FSD1L: variants seen among roughly 807,000 people sequenced by gnomAD.
The protein encoded by FSD1L is FSD1-like protein.
FSD1L carries 45 observed loss-of-function variants against 71.6 expected under a neutral mutation model. The observed-to-expected ratio is 0.63, with a 90% CI of 0.49 to 0.81. FSD1L has a LOEUF of 0.81. FSD1L is among the 30% of genes least tolerant of loss of function. The pLI is 0.00. For missense variants in FSD1L, 561 were observed against 618.1 expected, an observed-to-expected ratio of 0.91 and a Z score of 0.98; for synonymous variants, 197 against 207.2, an observed-to-expected ratio of 0.95 and a Z score of 0.42.
At chr9:105,495,613 G>A (rs1050873953) in intron 7 of FSD1L, among the ~76,000 whole-genome samples, 2 of 152,252 alleles carry the variant, frequency 1.3e-5, no homozygotes, top group East Asian at 1.9e-4. Context: ...GGGAGCTGTA[G>A]ACCGGAGCTG....
chr9:105,502,190 AC>A (rs1305448834), intron 7 of FSD1L, among the ~76,000 whole-genome samples: 6 of 152,170 alleles, frequency 3.9e-5, no homozygotes, highest in Non-Finnish European at 8.8e-5. Context: ...TGAGCAAGTT[AC>A]TTTGACATCT....
rs540922196 is a variant in FSD1L, at chr9:105,546,654, G to C, written c.*171G>C. 35 of 496,280 alleles carry C rather than the reference G, an allele frequency of 7.1e-5. No homozygotes were observed. In the South Asian group the frequency reaches 1.8e-3, roughly 25 times the overall value. The allele number at this position is 496,280 out of a possible 1,614,324, so 30.7% of individuals were successfully genotyped here. On this transcript the variant is annotated 3_prime_UTR_variant, in exon 14 of 14. Coordinates refer to ENST00000481272, the MANE Select transcript of FSD1L (RefSeq NM_001145313.3). ...TACGAAGCATTTGCAGGAACCTACTGTGCAGTATCATAGAAGCAAGCAGAT... is the reference window on the plus strand; with the variant it reads ...TACGAAGCATTTGCAGGAACCTACTCTGCAGTATCATAGAAGCAAGCAGAT...
chr9:105,532,878 AATTGTC>A (rs1381270690), intron 10 of FSD1L, among the ~76,000 whole-genome samples: 1 of 152,210 alleles, frequency 6.6e-6, no homozygotes, highest in East Asian at 1.9e-4. Context: ...AGTTCTTTGA[AATTGTC>A]TAATAAGTCT....
intron 5 of FSD1L, among the ~76,000 whole-genome samples, chr9:105,473,715 A>G (rs1366893099): frequency 6.6e-6 from 1 of 152,214 alleles, no homozygotes; most frequent in Non-Finnish European, 1.5e-5. Flanking sequence ...AGTTGATTTA[A>G]GGAGAGACTG....
intron 10 of FSD1L, chr9:105,525,806 G>A: frequency 6.2e-7 from 1 of 1,607,786 alleles, no homozygotes; most frequent in Middle Eastern, 1.7e-4. Flanking sequence ...AACCATTGTG[G>A]TTTTATGGGA....
Position 105,452,628 on chromosome 9 carries a change from CGCCTGCCTGCCTGCCT to C in FSD1L, c.15+4422_15+4437del, listed in dbSNP as rs530990124. 2.2e-4 allele frequency among the ~76,000 whole-genome samples: 27 copies of C among 124,464 alleles called. 1 individual carries two copies. The highest frequency in any genetic ancestry group is 1.2e-3 in the South Asian group (4 of 3,446). The allele number at this position is 124,464 out of a possible 152,430, so 81.7% of individuals were successfully genotyped here. Reference sequence around the variant, plus strand: ...TCCCTCCCTCCTGTGGGCGCTCGCTCGCCTGCCTGCCTGCCTGCCTGCCTGCCTGCCTGCCTGCCTG... The same window carrying C: ...TCCCTCCCTCCTGTGGGCGCTCGCTCGCCTGCCTGCCTGCCTGCCTGCCTG... On this transcript the variant is annotated intron_variant, in intron 1 of 13. Transcript: ENST00000481272.
At chr9:105,477,661 T>G (rs1335406577) in intron 5 of FSD1L, among the ~76,000 whole-genome samples, 1 of 152,192 alleles carries the variant, frequency 6.6e-6, no homozygotes, top group Non-Finnish European at 1.5e-5. Flanking sequence ...CTTTCCTTCC[T>G]TTAACACTTA....
chr9:105,513,189 T>C (rs568562783), intron 10 of FSD1L, among the ~76,000 whole-genome samples: 1 of 152,266 alleles, frequency 6.6e-6, no homozygotes, highest in South Asian at 2.1e-4. Context: ...TTTAAAGTTA[T>C]ATATACAGCA....
At chr9:105,543,179 G>A (rs1434445987) in intron 13 of FSD1L, among the ~76,000 whole-genome samples, 1 of 151,950 alleles carries the variant, frequency 6.6e-6, no homozygotes, top group Non-Finnish European at 1.5e-5. Context: ...TAGATTCTTT[G>A]GTATAATAAT....
intron 4 of FSD1L, among the ~76,000 whole-genome samples, chr9:105,469,733 A>G (rs1403887250): frequency 1.4e-5 from 2 of 143,854 alleles, no homozygotes; most frequent in Admixed American, 6.9e-5. Context: ...TTTGTAGGCT[A>G]CTTTTTTACT....
Position 105,543,418 on chromosome 9 carries a change from AT to A in FSD1L, c.1468-2936del, listed in dbSNP as rs1374523151. On this transcript the variant is annotated intron_variant, in intron 13 of 13. Coordinates refer to ENST00000481272, the MANE Select transcript of FSD1L (RefSeq NM_001145313.3). ...GCTGCTCTGTTCACAAGCAGTTTTA[AT>A]TTTATTTTATTTTTTGTTTTTATTT... is the stretch of plus-strand genomic sequence containing the variant. 2.0e-5 allele frequency among the ~76,000 whole-genome samples: 3 copies of A among 152,024 alleles called. No individual in the cohort carries two copies. In the South Asian group the frequency reaches 6.2e-4, roughly 32 times the overall value.
chr9:105,489,966 C>G (rs898003876), intron 7 of FSD1L, among the ~76,000 whole-genome samples: 1 of 152,026 alleles, frequency 6.6e-6, no homozygotes, highest in African/African-American at 2.4e-5. Context: ...AATAAACATA[C>G]GTGTGCATGT....
At chr9:105,494,796 C>CG (rs1302578935) in intron 7 of FSD1L, among the ~76,000 whole-genome samples, 2 of 152,166 alleles carry the variant, frequency 1.3e-5, no homozygotes, top group Non-Finnish European at 2.9e-5. Context: ...GTACCAGCAG[C>CG]GGTGGCTGCA....
At chr9:105,539,170 ATAT>A in intron 12 of FSD1L, 90 bp from the exon 13 acceptor site, 1 of 640,128 alleles carries the variant, frequency 1.6e-6, no homozygotes, top group Non-Finnish European at 2.7e-6. Context: ...GCCAACTTAT[ATAT>A]TATTACTTTT....
chr9:105,443,389 T>G (rs942673016), upstream of FSD1L, among the ~76,000 whole-genome samples: 4 of 152,164 alleles, frequency 2.6e-5, no homozygotes, highest in African/African-American at 9.7e-5. Context: ...GCTTATTCAC[T>G]ATCATGAGAA....
chr9:105,446,538 T>G (rs1396510927), upstream of FSD1L, among the ~76,000 whole-genome samples: 1 of 151,798 alleles, frequency 6.6e-6, no homozygotes, highest in Non-Finnish European at 1.5e-5. Flanking sequence ...CTAATTTTTT[T>G]TTTTTTAATT....
intron 6 of FSD1L, among the ~76,000 whole-genome samples, chr9:105,480,812 G>T (rs1169210548): frequency 1.3e-5 from 2 of 152,038 alleles, no homozygotes; most frequent in Non-Finnish European, 2.9e-5. Flanking sequence ...TCCTCCCTGG[G>T]TATATTATAC....
At chr9:105,535,870 T>C (rs1836233996) in intron 12 of FSD1L, among the ~76,000 whole-genome samples, 1 of 152,190 alleles carries the variant, frequency 6.6e-6, no homozygotes, top group African/African-American at 2.4e-5. Context: ...ACAGCAAATA[T>C]TTACTGTGCC....
In FSD1L at chr9:105,519,804, C is replaced by T. The variant is rs911839456; in HGVS notation, c.1025+6868C>T. Among the ~76,000 whole-genome samples, 47 of 152,138 alleles carry T rather than the reference C, an allele frequency of 3.1e-4. 1 individual carries two copies. The highest frequency in any genetic ancestry group is 2.8e-3 in the Admixed American group (42 of 15,272). On this transcript the variant is annotated intron_variant, in intron 10 of 13. Coordinates refer to ENST00000481272, the MANE Select transcript of FSD1L (RefSeq NM_001145313.3). ...CTTCGTGGCTCTGGATCCGGGGCCC[C>T]GGCCTGTGGCGGCGAGCGGCGGCCG...
Sources: gnomAD v4.1 joint callset for allele counts (sites outside exome capture counted in the v4.1 genomes callset) on GRCh38, gnomAD v4.1.1 for gene constraint, MANE v1.5 for transcripts, NCBI Gene and HGNC (gene_info 2026-07-23, HGNC 2026-07-21) for gene names.